Variants in GREB1 observed in about 807,000 individuals in gnomAD.
GREB1 encodes the protein growth regulating estrogen receptor binding 1.
In GREB1, 106 loss-of-function variants were observed where a neutral mutation model predicts 200.7. That is an observed-to-expected ratio of 0.53 (90% CI 0.45 to 0.62). GREB1 has a LOEUF of 0.62. Among genes scored for constraint, GREB1 ranks in the 20% least tolerant of loss-of-function variants. The pLI is 0.00. For synonymous variants in GREB1, 1,132 were observed against 1,092.4 expected (o/e 1.04, Z -0.72); for missense variants, 2,243 against 2,556.8 (o/e 0.88, Z 2.65).
rs1460011185 is a variant in GREB1 at position 11,585,189 on chromosome 2, A to T, written c.930A>T (p.Lys310Asn). 1.3e-6 allele frequency: 2 copies of T among 1,579,166 alleles called. No individual in the cohort carries two copies. Among genetic ancestry groups the T allele is most frequent in the South Asian group, 2.4e-5 (2 of 85,026 alleles). ...TCTTGTCAAACTCCGGGCCCCCCAA[A>T]AAACGCCACAAAGGGTGGTCTCCAG... ...LGILSNSGPP[K>N]KRHKGWSPES... The change falls in exon 8 of 33, where the codon AAA becomes AAT. Residue 310 changes from lysine (K) to asparagine (N), a missense_variant. Coordinates refer to ENST00000381486, the MANE Select transcript of GREB1 (RefSeq NM_014668.4).
chr2:11,586,102 A>G (rs1463816849), intron 9 of GREB1, among the ~76,000 whole-genome samples, 197 bp downstream of exon 9: 2 of 152,208 alleles, frequency 1.3e-5, no homozygotes, highest in Non-Finnish European at 2.9e-5. Flanking sequence ...GCCAAGAATG[A>G]TGGAGCTTGT....
chr2:11,625,431 A>G (rs1185077689), intron 24 of GREB1, 119 bp downstream of exon 24: 2 of 943,830 alleles, frequency 2.1e-6, no homozygotes, highest in Non-Finnish European at 3.3e-6. Flanking sequence ...TGCCATACCT[A>G]GTACAGAACT....
In GREB1 at chr2:11,632,974, G is replaced by T. The variant is rs765596534; in HGVS notation, c.4902G>T (p.Pro1634=). The change falls in exon 28 of 33, where the codon CCG becomes CCT. Residue 1634 remains proline, a synonymous_variant. Coordinates refer to ENST00000381486, the MANE Select transcript of GREB1 (RefSeq NM_014668.4). ...GGCAGGAGGAGCTGGGAATCAAGCC[G>T]CAGGACATCTGGCCTTTCATTGTGA... ...RNRQEELGIK[P]QDIWPFIVIS... 3.1e-6 allele frequency: 5 copies of T among 1,614,034 alleles called. No individual in the cohort carries two copies. In the South Asian group the frequency reaches 5.5e-5, roughly 18 times the overall value.
intron 20 of GREB1, among the ~76,000 whole-genome samples, chr2:11,615,840 C>T (rs772811340): frequency 2.0e-5 from 3 of 152,152 alleles, no homozygotes; most frequent in Non-Finnish European, 4.4e-5. Flanking sequence ...ATGAGAAAGA[C>T]GTAGACAGTC....
chr2:11,570,557 T>A (rs1362616618), intron 4 of GREB1, among the ~76,000 whole-genome samples: 1 of 152,024 alleles, frequency 6.6e-6, no homozygotes, highest in African/African-American at 2.4e-5. Flanking sequence ...TGCATTTGTA[T>A]CAAGATCCAG....
intron 2 of GREB1, among the ~76,000 whole-genome samples, chr2:11,557,114 T>G (rs1676502540): frequency 6.6e-6 from 1 of 152,212 alleles, no homozygotes; most frequent in South Asian, 2.1e-4. Context: ...CAGCAATATA[T>G]TCCTTTTCTT....
At position 11,551,376 on chromosome 2, in the gene GREB1, G is replaced by T. The variant is rs182948537; in HGVS notation, c.-161-5078G>T. ...AGATATCAAAGGTCCTATTGAAAGA[G>T]TGTCTGCCCGGCCTCCTGCCTGCAG... On this transcript the variant is annotated intron_variant, in intron 1 of 32. Coordinates refer to ENST00000381486, the MANE Select transcript of GREB1 (RefSeq NM_014668.4). Among the ~76,000 whole-genome samples, 382 of 152,314 alleles carry T rather than the reference G, an allele frequency of 2.5e-3. 2 individuals carry two copies. The highest frequency in any genetic ancestry group is 8.3e-3 in the African/African-American group (346 of 41,570).
rs1672807240 is a variant in GREB1 at position 11,493,162 on chromosome 2, C to T, written c.-159+10781C>T. ...GCCTCCACTTCATGTTGTCCATAGG[C>T]TTGTGGAAACTGCGACATGAAGGGA... On this transcript the variant is annotated intron_variant, in intron 1 of 2. Coordinates refer to the GREB1 transcript ENST00000628795. The surrounding 1 kb of genome is among the most constrained non-coding windows in gnomAD (Gnocchi z 4.6). Among the ~76,000 whole-genome samples the T allele has an allele frequency of 6.6e-6, 1 of 152,180 alleles. No individual in the cohort carries two copies. The highest frequency in any genetic ancestry group is 2.4e-5 in the African/African-American group (1 of 41,450).
intron 7 of GREB1, among the ~76,000 whole-genome samples, chr2:11,582,336 C>T (rs13421766): frequency 0.065 from 9,920 of 152,264 alleles, 1,057 homozygotes; most frequent in African/African-American, 0.22. Flanking sequence ...TAGGGGAACA[C>T]GAGCCGTTCC....
chr2:11,487,187 T>A (rs1010059082), intron 1 of GREB1, among the ~76,000 whole-genome samples: 1 of 152,228 alleles, frequency 6.6e-6, no homozygotes, highest in Non-Finnish European at 1.5e-5. Context: ...GTACTTTTAA[T>A]GTTCTAATTT....
At chr2:11,530,923 T>A (rs539611620), upstream of GREB1, among the ~76,000 whole-genome samples, 1 of 152,210 alleles carries the variant, frequency 6.6e-6, no homozygotes, top group Admixed American at 6.5e-5. Flanking sequence ...GTGGGGAAGT[T>A]TGGTGTTTGC....
chr2:11,621,053 C>T (rs1195316238), intron 23 of GREB1, 46 bp downstream of exon 23: 1 of 1,050,546 alleles, frequency 9.5e-7, no homozygotes, highest in Non-Finnish European at 1.5e-6. Flanking sequence ...CCACCTTCAT[C>T]ACTTTCTCAA....
intron 1 of GREB1, among the ~76,000 whole-genome samples, chr2:11,499,807 T>TGATAC (rs1318261909): frequency 1.3e-5 from 2 of 152,240 alleles, no homozygotes; most frequent in Admixed American, 6.5e-5. Context: ...ATTGTACATA[T>TGATAC]AACTTTGCTG....
chr2:11,483,284 G>A (rs1276918598), intron 1 of GREB1, among the ~76,000 whole-genome samples: 2 of 151,064 alleles, frequency 1.3e-5, no homozygotes, highest in Non-Finnish European at 1.5e-5. Context: ...GTGTGAGTGC[G>A]CGTGTGCGTG....
chr2:11,525,665 C>G (rs144916935), intron 1 of GREB1, among the ~76,000 whole-genome samples: 1 of 152,272 alleles, frequency 6.6e-6, no homozygotes, highest in East Asian at 1.9e-4. Flanking sequence ...GAAGCACTAA[C>G]TGCAGGGTGT....
At chr2:11,585,996 A>C in intron 9 of GREB1, 91 bp downstream of exon 9, 1 of 1,340,540 alleles carries the variant, frequency 7.5e-7, no homozygotes, top group Non-Finnish European at 1.1e-6. Flanking sequence ...TCCCGGTCTG[A>C]CTCCAAGGGT....
At chr2:11,614,490 G>A (rs1683217990) in intron 19 of GREB1, among the ~76,000 whole-genome samples, 1 of 152,050 alleles carries the variant, frequency 6.6e-6, no homozygotes, top group African/African-American at 2.4e-5. Context: ...GAGAAGTTGT[G>A]CAGCTTGTCA....
intron 10 of GREB1, 45 bp downstream of exon 10, chr2:11,588,976 A>G: frequency 1.3e-6 from 2 of 1,523,928 alleles, no homozygotes; most frequent in African/African-American, 2.7e-5. Context: ...GAGTGGCCAC[A>G]GCCCGAGCAC....
At chr2:11,488,566 G>A (rs764628909) in intron 1 of GREB1, among the ~76,000 whole-genome samples, 1 of 151,968 alleles carries the variant, frequency 6.6e-6, no homozygotes, top group African/African-American at 2.4e-5. Flanking sequence ...CGATGTGGGT[G>A]GATCATCTGA....
Sources: gnomAD v4.1 joint callset for allele counts (sites outside exome capture counted in the v4.1 genomes callset) on GRCh38, gnomAD v4.1.1 for gene constraint, Gnocchi (gnomAD v3.1) non-coding constraint, MANE v1.5 for transcripts, NCBI Gene and HGNC (gene_info 2026-07-23, HGNC 2026-07-21) for gene names.